GARIN1A: variants seen among roughly 807,000 people sequenced by gnomAD.
GARIN1A encodes Golgi-associated RAB2 interactor protein 1A.
the GARIN1A span, among the ~76,000 whole-genome samples, chr7:128,672,127 T>C: frequency 6.6e-6 from 1 of 152,142 alleles, no homozygotes; most frequent in African/African-American, 2.4e-5. Context: ...TGCTGGTTTG[T>C]AGTTGGTGGA....
the GARIN1A span, among the ~76,000 whole-genome samples, chr7:128,673,008 A>G: frequency 1.3e-5 from 2 of 152,332 alleles, no homozygotes; most frequent in African/African-American, 4.8e-5. Context: ...CCCTAAAAGG[A>G]TGGTGGTGAC....
chr7:128,703,319 A>G, the GARIN1A span, among the ~76,000 whole-genome samples: 206 of 152,370 alleles, frequency 1.4e-3, no homozygotes, highest in East Asian at 7.9e-3. Context: ...AACAAATTTC[A>G]TGCAAAGTGT....
chr7:128,672,444 C>A, the GARIN1A span: 1 of 1,609,164 alleles, frequency 6.2e-7, no homozygotes, highest in Non-Finnish European at 8.5e-7. Flanking sequence ...GAACCAGGCC[C>A]TGGAGTGGAA....
At chr7:128,682,954 G>T in the GARIN1A span, 1 of 1,556,890 alleles carries the variant, frequency 6.4e-7, no homozygotes, top group Non-Finnish European at 8.7e-7. Context: ...AATTCCCTGG[G>T]CTCCTACAGG....
chr7:128,683,036 C>A, the GARIN1A span: 1 of 1,610,898 alleles, frequency 6.2e-7, no homozygotes, highest in Non-Finnish European at 8.5e-7. Flanking sequence ...CATCTCCAAT[C>A]AATTTGAATA....
At chr7:128,689,730 C>T in the GARIN1A span, among the ~76,000 whole-genome samples, 30 of 150,352 alleles carry the variant, frequency 2.0e-4, no homozygotes, top group African/African-American at 6.8e-4. Flanking sequence ...CCACCCCGTC[C>T]GGGAGGGAGG....
At chr7:128,698,136 G>A in the GARIN1A span, among the ~76,000 whole-genome samples, 1 of 152,102 alleles carries the variant, frequency 6.6e-6, no homozygotes. Flanking sequence ...TTTATTTCAG[G>A]CTGGTGAAAC....
At chr7:128,673,878 G>T in the GARIN1A span, among the ~76,000 whole-genome samples, 1 of 152,072 alleles carries the variant, frequency 6.6e-6, no homozygotes, top group Non-Finnish European at 1.5e-5. Context: ...CTATTTGGGT[G>T]TAATGATTCA....
the GARIN1A span, among the ~76,000 whole-genome samples, chr7:128,703,691 C>A: frequency 6.6e-6 from 1 of 151,810 alleles, no homozygotes; most frequent in Admixed American, 6.6e-5. Context: ...GCAGGAGGAT[C>A]GCTTGAGCAG....
the GARIN1A span, among the ~76,000 whole-genome samples, chr7:128,703,518 C>G: frequency 6.6e-6 from 1 of 152,208 alleles, no homozygotes; most frequent in African/African-American, 2.4e-5. Flanking sequence ...GGGCAGGGCA[C>G]AGTGGCTCAT....
chr7:128,675,067 G>A, the GARIN1A span, among the ~76,000 whole-genome samples: 36 of 152,176 alleles, frequency 2.4e-4, no homozygotes, highest in African/African-American at 8.0e-4. Flanking sequence ...TGCCAGCCGT[G>A]CACAGTGAGG....
the GARIN1A span, chr7:128,675,589 A>C: frequency 1.4e-6 from 2 of 1,431,064 alleles, no homozygotes; most frequent in Non-Finnish European, 1.9e-6. Flanking sequence ...ACCTGCCCCC[A>C]AGATGATGTG....
At chr7:128,704,574 G>T in the GARIN1A span, among the ~76,000 whole-genome samples, 1 of 152,122 alleles carries the variant, frequency 6.6e-6, no homozygotes, top group Non-Finnish European at 1.5e-5. Context: ...CAAAGTGCTG[G>T]GATTACAGGC....
the GARIN1A span, among the ~76,000 whole-genome samples, chr7:128,688,313 CT>C: frequency 2.6e-5 from 4 of 152,106 alleles, no homozygotes; most frequent in East Asian, 1.9e-4. Context: ...CCTGGCCCCC[CT>C]GGTTTCTTCC....
chr7:128,686,491 CA>C, the GARIN1A span: 1 of 152,308 alleles, frequency 6.6e-6, no homozygotes, highest in African/African-American at 2.4e-5. Flanking sequence ...TGTCTAACTC[CA>C]AAATCCAAAT....
At chr7:128,677,241 C>T in the GARIN1A span, among the ~76,000 whole-genome samples, 2 of 152,086 alleles carry the variant, frequency 1.3e-5, 1 homozygote, top group Admixed American at 1.3e-4. Flanking sequence ...GGCGTGGTGG[C>T]TCACGCCTGT....
At chr7:128,688,645 C>T in the GARIN1A span, among the ~76,000 whole-genome samples, 1 of 152,088 alleles carries the variant, frequency 6.6e-6, no homozygotes, top group African/African-American at 2.4e-5. Context: ...GTGTGATCTT[C>T]TTTTGACTGG....
At chr7:128,701,405 GAAGGGAAGGGGAGGAGAGGGGAA>G in the GARIN1A span, among the ~76,000 whole-genome samples, 1 of 16,864 alleles carries the variant, frequency 5.9e-5, no homozygotes, top group Non-Finnish European at 1.2e-4. Flanking sequence ...AGGGGAAGGG[GAAGGGAAGGGGAGGAGAGGGGAA>G]GGGGAGGGGA....
chr7:128,693,794 G>T, the GARIN1A span: 1 of 155,410 alleles, frequency 6.4e-6, no homozygotes. Flanking sequence ...TGTAGGCCCT[G>T]GATGTGGTTA....
Sources: allele counts gnomAD v4.1 joint callset (sites outside exome capture counted in the v4.1 genomes callset), GRCh38; gene constraint gnomAD v4.1.1; transcripts MANE v1.5; gene names NCBI Gene and HGNC (gene_info 2026-07-23, HGNC 2026-07-21).